SNX16: variants seen among roughly 807,000 people sequenced by gnomAD.
The protein encoded by SNX16 is sorting nexin-16.
A neutral mutation model predicts 36.7 loss-of-function variants in SNX16; 35 were observed. The ratio of observed to expected loss-of-function variants is 0.95; its 90% CI spans 0.73 to 1.27. The LOEUF (loss-of-function observed/expected upper bound fraction) is 1.27. SNX16 is among the 50% of genes most tolerant of loss of function. The pLI is 0.00. For synonymous variants in SNX16, 134 were observed against 132.0 expected, an observed-to-expected ratio of 1.02 and a Z score of -0.10; for missense variants, 367 against 393.6, an observed-to-expected ratio of 0.93 and a Z score of 0.57.
chr8:81,805,216 A>G (rs1563430014), intron 5 of SNX16, among the ~76,000 whole-genome samples: 1 of 152,174 alleles, frequency 6.6e-6, no homozygotes, highest in Non-Finnish European at 1.5e-5. Context: ...AATAGACTAA[A>G]AAACAGTCAA....
At chr8:81,819,599 T>A (rs1008670668) in intron 4 of SNX16, among the ~76,000 whole-genome samples, 8 of 152,042 alleles carry the variant, frequency 5.3e-5, no homozygotes, top group African/African-American at 1.9e-4. Flanking sequence ...TTTCTGGGGG[T>A]ATGTCTTCTT....
chr8:81,841,469 A>C (rs1202077280), intron 1 of SNX16, among the ~76,000 whole-genome samples: 5 of 152,002 alleles, frequency 3.3e-5, no homozygotes, highest in Admixed American at 2.6e-4. Flanking sequence ...CTCCCCAAAA[A>C]CAAGTAAGTC....
chr8:81,824,389 C>G (rs1054114060), intron 3 of SNX16, among the ~76,000 whole-genome samples: 4 of 152,048 alleles, frequency 2.6e-5, no homozygotes, highest in African/African-American at 9.7e-5. Context: ...GATACAAGTC[C>G]TTTGTCAGAT....
intron 2 of SNX16, among the ~76,000 whole-genome samples, chr8:81,836,642 C>G (rs1811507913): frequency 1.3e-5 from 2 of 152,280 alleles, no homozygotes; most frequent in African/African-American, 4.8e-5. Flanking sequence ...AAATCCAGAA[C>G]CTGATCACTT....
Position 81,841,423 on chromosome 8 carries a change from C to G in SNX16, c.-97+699G>C, listed in dbSNP as rs766227396. Reference sequence around the variant, plus strand: ...TTATCAAAGATTCATGAAACTTTAGCTGCTGATTCACCGCTCCTCGGTTCC... The same window carrying G: ...TTATCAAAGATTCATGAAACTTTAGGTGCTGATTCACCGCTCCTCGGTTCC... On this transcript the variant is annotated intron_variant, in intron 1 of 7. Transcript: ENST00000345957. Among the ~76,000 whole-genome samples, 9 of 151,720 alleles carry G rather than the reference C, an allele frequency of 5.9e-5. 1 individual carries two copies. Among genetic ancestry groups the G allele is most frequent in the South Asian group, 4.2e-4 (2 of 4,802 alleles).
Position 81,801,061 on chromosome 8 carries a change from T to C in SNX16, c.*436A>G, listed in dbSNP as rs1809663811. On this transcript the variant is annotated 3_prime_UTR_variant, in exon 8 of 8. Coordinates refer to ENST00000345957, the MANE Select transcript of SNX16 (RefSeq NM_152836.3). ...TTATGATGGTCACTGATTTAAACTA[T>C]TAATGAAAATATGTCATGTCAGAGA... is the stretch of plus-strand genomic sequence containing the variant. The C allele has an allele frequency of 6.6e-6, 1 of 152,286 alleles. No homozygotes were observed. The highest frequency in any genetic ancestry group is 6.6e-5 in the Admixed American group (1 of 15,248). 9.4% of individuals were successfully genotyped at this position (152,286 alleles called of 1,614,324 possible).
chr8:81,808,231 C>G (rs778323174), intron 5 of SNX16: 2 of 1,279,674 alleles, frequency 1.6e-6, no homozygotes, highest in Non-Finnish European at 2.2e-6. Flanking sequence ...TGTAACCTTT[C>G]ACGACCATGA....
In SNX16 at chr8:81,823,954, A is replaced by C. The variant is rs1432149118; in HGVS notation, c.463-14T>G. 8 of 1,602,022 alleles carry C rather than the reference A, an allele frequency of 5.0e-6. No individual in the cohort carries two copies. The highest frequency in any genetic ancestry group is 1.7e-5 in the Admixed American group (1 of 57,796). On this transcript the variant is annotated splice_polypyrimidine_tract_variant and intron_variant, in intron 3 of 7. Coordinates refer to ENST00000345957, the MANE Select transcript of SNX16 (RefSeq NM_152836.3). ...CATCTCTTTTAACTGAAAAAGAAGA[A>C]AAGAGCAAATACAATGTTTAACTCA...
chr8:81,806,063 T>C (rs1809927701), intron 5 of SNX16, among the ~76,000 whole-genome samples: 1 of 152,144 alleles, frequency 6.6e-6, no homozygotes, highest in South Asian at 2.1e-4. Context: ...TTGTTAAAAA[T>C]CTACTATAAG....
chr8:81,801,601 A>C lies in SNX16; in HGVS notation c.939-8T>G. ...CATGGTTTATTATCAGCTCTGCAAA[A>C]AAAAAAAAAAAAGGAACATATCAAT... On this transcript the variant is annotated splice_region_variant and splice_polypyrimidine_tract_variant and intron_variant, in intron 7 of 7. Transcript: ENST00000345957. 7.2e-7 allele frequency: 1 copy of C among 1,386,186 alleles called. No individual in the cohort carries two copies. Among genetic ancestry groups the C allele is most frequent in the Non-Finnish European group, 9.7e-7 (1 of 1,026,332 alleles). 85.9% of individuals were successfully genotyped at this position (1,386,186 alleles called of 1,614,324 possible).
In SNX16 at chr8:81,802,510, G is replaced by C. The variant is rs1331934465; in HGVS notation, c.819-11C>G. 1 of 1,596,898 alleles carries C rather than the reference G, an allele frequency of 6.3e-7. No individual in the cohort carries two copies. Among genetic ancestry groups the C allele is most frequent in the Non-Finnish European group, 8.5e-7 (1 of 1,171,984 alleles). ...TCTAAAGACAATGTTCTAAAAGTAT[G>C]TTATAGCAACAAGTTATTTTCTATG... On this transcript the variant is annotated splice_polypyrimidine_tract_variant and intron_variant, in intron 6 of 7. Coordinates refer to ENST00000345957, the MANE Select transcript of SNX16 (RefSeq NM_152836.3).
At chr8:81,836,317 CCT>C (rs1811494498) in intron 2 of SNX16, among the ~76,000 whole-genome samples, 2 of 152,218 alleles carry the variant, frequency 1.3e-5, no homozygotes, top group South Asian at 4.2e-4. Context: ...ATTTTACAAA[CCT>C]AAGATTCTCA....
intron 6 of SNX16, 44 bp downstream of exon 6, chr8:81,803,048 A>G: frequency 6.6e-7 from 1 of 1,521,890 alleles, no homozygotes; most frequent in Non-Finnish European, 8.8e-7. Flanking sequence ...CAGAGTATTA[A>G]GGGTTGAATT....
At chr8:81,814,668 G>T (rs753379588) in intron 5 of SNX16, 2 of 152,050 alleles carry the variant, frequency 1.3e-5, no homozygotes, top group Non-Finnish European at 2.9e-5. Flanking sequence ...CAATAAAGCT[G>T]TTTTAAAAAG....
intron 3 of SNX16, among the ~76,000 whole-genome samples, 176 bp from the exon 4 acceptor site, chr8:81,824,116 C>G (rs1410351818): frequency 1.3e-5 from 2 of 152,138 alleles, no homozygotes; most frequent in Non-Finnish European, 2.9e-5. Flanking sequence ...GCTGTGTATA[C>G]AGAAGAGTTC....
At chr8:81,829,936 A>T (rs1215276726) in intron 2 of SNX16, among the ~76,000 whole-genome samples, 1 of 152,188 alleles carries the variant, frequency 6.6e-6, no homozygotes, top group Admixed American at 6.5e-5. Flanking sequence ...TGCCAAGAAT[A>T]AAATATGGAA....
intron 5 of SNX16, chr8:81,808,636 A>G (rs55816761): frequency 0.082 from 76,854 of 934,348 alleles, 3,996 homozygotes; most frequent in Admixed American, 0.17. Context: ...TCTGGCCCCC[A>G]TGGTGGTGGA....
intron 5 of SNX16, among the ~76,000 whole-genome samples, chr8:81,804,945 C>T (rs1809863589): frequency 6.6e-6 from 1 of 151,930 alleles, no homozygotes; most frequent in Non-Finnish European, 1.5e-5. Flanking sequence ...GTAAATTTGA[C>T]ATAACTCTTG....
At chr8:81,809,565 G>A (rs1810128299) in intron 5 of SNX16, among the ~76,000 whole-genome samples, 1 of 152,130 alleles carries the variant, frequency 6.6e-6, no homozygotes, top group South Asian at 2.1e-4. Context: ...GACAAAGAAT[G>A]TGCAGCTACT....
Sources: allele counts gnomAD v4.1 joint callset (sites outside exome capture counted in the v4.1 genomes callset), GRCh38; gene constraint gnomAD v4.1.1; transcripts MANE v1.5; gene names NCBI Gene and HGNC (gene_info 2026-07-23, HGNC 2026-07-21).